Variants in CRB1 observed in about 807,000 individuals in gnomAD.
CRB1 encodes the protein protein crumbs homolog 1.
CRB1 carries 83 observed loss-of-function variants against 120.0 expected under a neutral mutation model. The ratio of observed to expected loss-of-function variants is 0.69; its 90% CI spans 0.58 to 0.83. The LOEUF is 0.83. Ranked by LOEUF, CRB1 falls within the 40% of genes least tolerant of loss-of-function variation. The pLI is 0.00. For synonymous variants in CRB1, 625 were observed against 612.5 expected (o/e 1.02, Z -0.30); for missense variants, 1,699 against 1,687.6 (o/e 1.01, Z -0.12).
intron 1 of CRB1, among the ~76,000 whole-genome samples, chr1:197,295,685 A>G (rs1656477545): frequency 6.6e-6 from 1 of 151,958 alleles, no homozygotes; most frequent in South Asian, 2.1e-4. Flanking sequence ...TATTTTGGTC[A>G]CCCTCCTTTC....
At chr1:197,460,001 C>CTTTTTTTTTTTTTTTTTTTTT (rs10679172) in intron 11 of CRB1, among the ~76,000 whole-genome samples, 10 of 75,638 alleles carry the variant, frequency 1.3e-4, no homozygotes, top group Non-Finnish European at 2.0e-4. Flanking sequence ...AAGCCCCCCT[C>CTTTTTTTTTTTTTTTTTTTTT]TTTTTTTTTT....
At chr1:197,307,131 T>C (rs1377303933) in intron 1 of CRB1, among the ~76,000 whole-genome samples, 3 of 152,208 alleles carry the variant, frequency 2.0e-5, no homozygotes, top group Non-Finnish European at 2.9e-5. Flanking sequence ...ATTTTACATA[T>C]AATAGTTTAT....
chr1:197,358,216 T>G (rs899310956), intron 5 of CRB1: 1 of 152,246 alleles, frequency 6.6e-6, no homozygotes, highest in Non-Finnish European at 1.5e-5. Flanking sequence ...CTATTGCCTC[T>G]TTTCAAAAAT....
intron 11 of CRB1, among the ~76,000 whole-genome samples, chr1:197,476,180 G>C (rs1264743877): frequency 6.8e-6 from 1 of 147,706 alleles, no homozygotes; most frequent in Non-Finnish European, 1.5e-5. Context: ...AAAGTGCTGG[G>C]ATTACAGATA....
chr1:197,376,348 A>T (rs989528875), intron 5 of CRB1, among the ~76,000 whole-genome samples: 4 of 152,172 alleles, frequency 2.6e-5, no homozygotes, highest in Non-Finnish European at 5.9e-5. Flanking sequence ...ACCCAGGCAA[A>T]ACTTTTTATT....
intron 11 of CRB1, among the ~76,000 whole-genome samples, chr1:197,462,934 C>T (rs921792494): frequency 1.3e-5 from 2 of 149,958 alleles, no homozygotes; most frequent in African/African-American, 4.9e-5. Context: ...GGAAGCAAAA[C>T]ATGGCTGCAA....
the CRB1 span, among the ~76,000 whole-genome samples, chr1:197,207,860 CTAGGTT>C: frequency 9.2e-5 from 14 of 151,776 alleles, no homozygotes; most frequent in African/African-American, 3.1e-4. Flanking sequence ...CCAGTTATTC[CTAGGTT>C]TGGTCATTTA....
intron 11 of CRB1, chr1:197,447,502 T>C (rs1665755689): frequency 6.6e-6 from 1 of 152,154 alleles, no homozygotes; most frequent in Non-Finnish European, 1.5e-5. Flanking sequence ...GCACACAAGG[T>C]GTAAACACCA....
chr1:197,265,337 T>C (rs1654608190), upstream of CRB1, among the ~76,000 whole-genome samples: 1 of 151,698 alleles, frequency 6.6e-6, no homozygotes, highest in Non-Finnish European at 1.5e-5. Flanking sequence ...TTTTGTCCTT[T>C]CTTCCTTCCT....
intron 10 of CRB1, chr1:197,440,064 C>T (rs1411213629): frequency 6.6e-6 from 1 of 152,186 alleles, no homozygotes; most frequent in Non-Finnish European, 1.5e-5. Context: ...GGTTCTGCAA[C>T]TTATTAACTG....
At chr1:197,346,022 C>T (rs993006118) in intron 3 of CRB1, among the ~76,000 whole-genome samples, 1 of 152,096 alleles carries the variant, frequency 6.6e-6, no homozygotes, top group Non-Finnish European at 1.5e-5. Context: ...AGGAGGCTTA[C>T]CCTTCCATAC....
chr1:197,475,019 A>G (rs1263275430), intron 11 of CRB1, among the ~76,000 whole-genome samples: 1 of 152,192 alleles, frequency 6.6e-6, no homozygotes, highest in African/African-American at 2.4e-5. Flanking sequence ...GCATGGCCAC[A>G]CAGTATGGAT....
At chr1:197,379,028 C>G (rs192973014) in intron 5 of CRB1, among the ~76,000 whole-genome samples, 62 of 152,206 alleles carry the variant, frequency 4.1e-4, no homozygotes, top group African/African-American at 1.4e-3. Flanking sequence ...TTAAAACTGT[C>G]TACAAATGAG....
At chr1:197,452,615 A>G (rs1016019722) in intron 11 of CRB1, among the ~76,000 whole-genome samples, 2 of 152,210 alleles carry the variant, frequency 1.3e-5, no homozygotes, top group African/African-American at 2.4e-5. Flanking sequence ...AATAAGATTT[A>G]GAAGGGCTAG....
the CRB1 span, among the ~76,000 whole-genome samples, chr1:197,227,477 T>G: frequency 6.7e-6 from 1 of 148,362 alleles, no homozygotes. Flanking sequence ...ATTCTAAACC[T>G]CCAAAATGAT....
the CRB1 span, among the ~76,000 whole-genome samples, chr1:197,256,967 G>A: frequency 6.9e-6 from 1 of 144,854 alleles, no homozygotes; most frequent in Non-Finnish European, 1.5e-5. Context: ...GTGTGTGTGT[G>A]TGTAATTTAT....
At chr1:197,426,044 A>G (rs1284737470) in intron 6 of CRB1, among the ~76,000 whole-genome samples, 1 of 151,588 alleles carries the variant, frequency 6.6e-6, no homozygotes, top group East Asian at 2.0e-4. Context: ...CCAAAAAGGC[A>G]TCTCAAATTT....
At position 197,347,454 on chromosome 1, in the gene CRB1, C is replaced by A; in HGVS notation, c.963C>A (p.Asp321Glu). 6.2e-7 allele frequency: 1 copy of A among 1,614,140 alleles called. No individual in the cohort carries two copies. Among genetic ancestry groups the A allele is most frequent in the Non-Finnish European group, 8.5e-7 (1 of 1,179,988 alleles). The change falls in exon 4 of 12, where the codon GAC becomes GAA. Residue 321 changes from aspartate (D) to glutamate (E), a missense_variant. Coordinates refer to ENST00000367400, the MANE Select transcript of CRB1 (RefSeq NM_201253.3). ...ATGCTACATGTGAGGACAGTGTTGA[C>A]AATTACACTTGTCACTGCTGGCCTG... ...HNNATCEDSV[D>E]NYTCHCWPGY... is the part of the protein sequence containing the mutation.
chr1:197,260,855 C>T, the CRB1 span, among the ~76,000 whole-genome samples: 1 of 152,154 alleles, frequency 6.6e-6, no homozygotes, highest in South Asian at 2.1e-4. Flanking sequence ...CATGACCACG[C>T]CCAACTAATT....
Sources: allele counts gnomAD v4.1 joint callset (sites outside exome capture counted in the v4.1 genomes callset), GRCh38; gene constraint gnomAD v4.1.1; transcripts MANE v1.5; gene names NCBI Gene and HGNC (gene_info 2026-07-23, HGNC 2026-07-21).